SOS1: variants seen among roughly 807,000 people sequenced by gnomAD.
SOS1 encodes son of sevenless homolog 1.
A neutral mutation model predicts 157.6 loss-of-function variants in SOS1; 25 were observed. The ratio of observed to expected loss-of-function variants is 0.16; its 90% CI spans 0.12 to 0.22. SOS1 has a LOEUF of 0.22. Ranked by LOEUF, SOS1 falls within the 10% of genes least tolerant of loss-of-function variation. The probability of loss-of-function intolerance (pLI) is 1.00; values close to 1 mark genes in which losing one functional copy is unlikely to be tolerated. For synonymous variants in SOS1, 528 were observed against 534.0 expected, an observed-to-expected ratio of 0.99 and a Z score of 0.16; for missense variants, 1,237 against 1,599.1, an observed-to-expected ratio of 0.77 and a Z score of 3.86.
rs149784870 is a variant in SOS1 at position 39,115,744 on chromosome 2, T to C, written c.87+4592A>G. ...TGAGCCACCACACCCAGCCAGTTTG[T>C]TCCTTTTTATTGCTGAGTAGTATTC... On this transcript the variant is annotated intron_variant, in intron 1 of 22. Coordinates refer to ENST00000402219, the MANE Select transcript of SOS1 (RefSeq NM_005633.4). 8.4e-4 allele frequency among the ~76,000 whole-genome samples: 128 copies of C among 152,296 alleles called. 7 individuals carry two copies. The East Asian group carries it at 0.019, about 23-fold the overall frequency.
chr2:39,049,052 G>A (rs527282550), intron 6 of SOS1, among the ~76,000 whole-genome samples: 20 of 152,044 alleles, frequency 1.3e-4, no homozygotes, highest in African/African-American at 4.8e-4. Flanking sequence ...CGAGTAGCTG[G>A]GATTACAGAC....
chr2:39,044,864 G>GCGCGCACACACA (rs147443441), intron 6 of SOS1, among the ~76,000 whole-genome samples: 155 of 147,758 alleles, frequency 1.0e-3, no homozygotes, highest in African/African-American at 1.3e-3. Context: ...GCGCGCGCGC[G>GCGCGCACACACA]CACACACACA....
Position 38,995,231 on chromosome 2 carries a change from G to A in SOS1, c.3238C>T (p.Pro1080Ser), listed in dbSNP as rs771728760. ...ESETESTASA[P>S]NSPRTPLTPP... is the part of the protein sequence containing the mutation. ...GTTAACGGTGTTCTTGGAGAATTTG[G>A]TGCAGATGCTGTACTTTCTGTTTCA... The change falls in exon 20 of 23, where the codon CCA becomes TCA. Residue 1080 changes from proline to serine, a missense_variant. This residue lies in a region of SOS1 where 306 missense variants were observed against 322.6 expected (regional missense o/e 0.95). Coordinates refer to ENST00000402219, the MANE Select transcript of SOS1 (RefSeq NM_005633.4). The A allele has an allele frequency of 1.2e-6, 2 of 1,613,924 alleles. No homozygotes were observed. The highest frequency in any genetic ancestry group is 1.3e-5 in the African/African-American group (1 of 74,902).
At chr2:39,000,729 C>G (rs867658231) in intron 17 of SOS1, among the ~76,000 whole-genome samples, 7 of 152,200 alleles carry the variant, frequency 4.6e-5, no homozygotes, top group South Asian at 4.1e-4. Flanking sequence ...TCTGCTCTTT[C>G]AAGGGAACAG....
intron 1 of SOS1, among the ~76,000 whole-genome samples, chr2:39,073,791 G>T (rs1671868567): frequency 6.6e-6 from 1 of 152,186 alleles, no homozygotes; most frequent in Admixed American, 6.5e-5. Flanking sequence ...GAATTCTGAT[G>T]AATCTTTCAT....
chr2:39,102,073 G>C (rs982231634), intron 1 of SOS1, among the ~76,000 whole-genome samples: 1 of 151,248 alleles, frequency 6.6e-6, no homozygotes, highest in African/African-American at 2.4e-5. Flanking sequence ...AGGCGTGGTG[G>C]CAGGCCCCAT....
rs557503119 is a variant in SOS1 at position 38,989,441 on chromosome 2, A to G, written c.3347-127T>C. ...GTTTTAAAGAATGCTGTAACAGTTT[A>G]TAGTAAAACCTCATTACTACTTACT... On this transcript the variant is annotated intron_variant, in intron 20 of 22. Transcript: ENST00000402219. The G allele has an allele frequency of 1.2e-3, 829 of 682,794 alleles. 10 individuals carry two copies. Among genetic ancestry groups the G allele is most frequent in the South Asian group, 0.011 (643 of 59,532 alleles). The allele number at this position is 682,794 out of a possible 1,614,324, so 42.3% of individuals were successfully genotyped here. A position where few individuals can be genotyped will look rare whatever the true frequency, so the allele number is the denominator to read the frequency against.
chr2:39,053,280 A>G (rs189709710), intron 5 of SOS1, among the ~76,000 whole-genome samples: 45 of 152,278 alleles, frequency 3.0e-4, no homozygotes, highest in African/African-American at 5.3e-4. Context: ...TTTTGGTATT[A>G]TAAGTCATTT....
At chr2:39,110,484 T>C (rs973466922) in intron 1 of SOS1, among the ~76,000 whole-genome samples, 1 of 149,890 alleles carries the variant, frequency 6.7e-6, no homozygotes, top group East Asian at 2.0e-4. Context: ...GAAAAGAAAA[T>C]CTCTTCAACA....
intron 1 of SOS1, among the ~76,000 whole-genome samples, chr2:39,110,063 T>TGC (rs1365652100): frequency 6.6e-6 from 1 of 151,342 alleles, no homozygotes; most frequent in Non-Finnish European, 1.5e-5. Flanking sequence ...TGTGTGTGTG[T>TGC]GTGTGTGTGT....
intron 6 of SOS1, among the ~76,000 whole-genome samples, chr2:39,044,935 C>G (rs1432804616): frequency 6.6e-6 from 1 of 151,926 alleles, no homozygotes; most frequent in Non-Finnish European, 1.5e-5. Context: ...ATGCAGATAC[C>G]AAAATCTAGG....
chr2:39,106,602 C>A (rs7575954), intron 1 of SOS1, among the ~76,000 whole-genome samples: 6,180 of 136,770 alleles, frequency 0.045, 898 homozygotes, highest in African/African-American at 0.18. Context: ...AAAAAAAAAA[C>A]AAAAAAAAAA....
chr2:39,103,266 TC>T (rs2148209416), intron 1 of SOS1, among the ~76,000 whole-genome samples: 1 of 152,142 alleles, frequency 6.6e-6, no homozygotes, highest in East Asian at 1.9e-4. Flanking sequence ...GCAATCTCTA[TC>T]AAAATTCCAA....
At chr2:39,005,626 A>G (rs1401351831) in intron 17 of SOS1, among the ~76,000 whole-genome samples, 1 of 152,142 alleles carries the variant, frequency 6.6e-6, no homozygotes, top group Non-Finnish European at 1.5e-5. Flanking sequence ...TAAAGCCCAA[A>G]CAATAAAATG....
intron 17 of SOS1, 103 bp from the exon 18 acceptor site, chr2:38,997,528 C>A: frequency 5.7e-6 from 4 of 698,712 alleles, no homozygotes; most frequent in East Asian, 2.7e-5. Flanking sequence ...TCTCAGTTGC[C>A]AAAACAAAAG....
chr2:39,081,121 C>CCA (rs1256063751), intron 1 of SOS1, among the ~76,000 whole-genome samples: 2 of 152,086 alleles, frequency 1.3e-5, no homozygotes, highest in African/African-American at 2.4e-5. Context: ...CATGATTTTG[C>CCA]CACTGCACTC....
At chr2:39,077,344 T>C (rs1003324899) in intron 1 of SOS1, among the ~76,000 whole-genome samples, 4 of 149,842 alleles carry the variant, frequency 2.7e-5, no homozygotes, top group Non-Finnish European at 4.4e-5. Flanking sequence ...AGAAAGAAAA[T>C]CCTTTATGAA....
chr2:39,012,749 A>T (rs532161618), intron 13 of SOS1, among the ~76,000 whole-genome samples: 76 of 152,308 alleles, frequency 5.0e-4, no homozygotes, highest in African/African-American at 1.7e-3. Context: ...CATCTAATTA[A>T]CACTGCATTT....
Position 39,013,559 on chromosome 2 carries a change from A to C in SOS1, c.2068T>G (p.Leu690Val). The C allele has an allele frequency of 6.3e-7, 1 of 1,580,382 alleles. No homozygotes were observed. ...EYIQPVQLRVLNVCRHWVEHH... is the reference protein window; with the variant it reads ...EYIQPVQLRVVNVCRHWVEHH... Reference sequence around the variant, plus strand: ...TCTACCCAGTGCCGACATACATTTAATACTCTATGGCATTAACACAGAATT... The same window carrying C: ...TCTACCCAGTGCCGACATACATTTACTACTCTATGGCATTAACACAGAATT... The change falls in exon 13 of 23, where the codon TTA becomes GTA. Residue 690 changes from leucine (L) to valine (V), a missense_variant. Coordinates refer to ENST00000402219, the MANE Select transcript of SOS1 (RefSeq NM_005633.4).
Sources: allele counts gnomAD v4.1 joint callset (sites outside exome capture counted in the v4.1 genomes callset), GRCh38; gene constraint gnomAD v4.1.1; regional missense constraint gnomAD v4.1.1; transcripts MANE v1.5; gene names NCBI Gene and HGNC (gene_info 2026-07-23, HGNC 2026-07-21).